LRRK2: variants seen among roughly 807,000 people sequenced by gnomAD.
The protein encoded by LRRK2 is leucine-rich repeat serine/threonine-protein kinase 2.
Under a neutral mutation model 302.6 loss-of-function variants are expected in LRRK2, and 203 were observed. The ratio of observed to expected loss-of-function variants is 0.67; its 90% CI spans 0.60 to 0.75. The LOEUF (loss-of-function observed/expected upper bound fraction) is 0.75, where lower values mean the gene tolerates loss of function less well. Ranked by LOEUF, LRRK2 falls within the 30% of genes least tolerant of loss-of-function variation. LRRK2 has a pLI of 0.00. For synonymous variants in LRRK2, 1,066 were observed against 1,031.9 expected (o/e 1.03, Z -0.63); for missense variants, 2,830 against 2,951.0 (o/e 0.96, Z 0.95).
chr12:40,309,033 G>C, intron 29 of LRRK2, 73 bp from the exon 30 acceptor site: 1 of 1,487,578 alleles, frequency 6.7e-7, no homozygotes, highest in Non-Finnish European at 9.3e-7. Flanking sequence ...TATTCTCCCA[G>C]ATTTTTTTTT....
rs1261584402 is a variant in LRRK2, at chr12:40,257,388, T to C, written c.1418+11T>C. On this transcript the variant is annotated intron_variant, in intron 12 of 50. Coordinates refer to ENST00000298910, the MANE Select transcript of LRRK2 (RefSeq NM_198578.4). ...TCTTTTTGAAGGAAGGTAATATAGA[T>C]TCATTAACTTGTACAGAATATATCA... The C allele has an allele frequency of 6.2e-7, 1 of 1,610,930 alleles. No individual in the cohort carries two copies. Among genetic ancestry groups the C allele is most frequent in the Non-Finnish European group, 8.5e-7 (1 of 1,177,728 alleles).
chr12:40,231,793 TTA>T (rs199832313), intron 2 of LRRK2, among the ~76,000 whole-genome samples: 58 of 146,568 alleles, frequency 4.0e-4, no homozygotes, highest in African/African-American at 1.1e-3. Context: ...ATAAATTAAA[TTA>T]TATATATATA....
intron 26 of LRRK2, among the ~76,000 whole-genome samples, chr12:40,303,325 C>T (rs1435539775): frequency 6.6e-6 from 1 of 152,012 alleles, no homozygotes; most frequent in East Asian, 1.9e-4. Context: ...TTCATGAAAC[C>T]AGAAGCTTCC....
At chr12:40,328,585 A>G in intron 39 of LRRK2, 125 bp downstream of exon 39, 1 of 720,088 alleles carries the variant, frequency 1.4e-6, no homozygotes, top group Non-Finnish European at 2.3e-6. Flanking sequence ...TAATTATGCA[A>G]TCCTAGTTTG....
At chr12:40,343,874 A>G (rs1261217327) in intron 41 of LRRK2, among the ~76,000 whole-genome samples, 1 of 152,198 alleles carries the variant, frequency 6.6e-6, no homozygotes, top group Non-Finnish European at 1.5e-5. Flanking sequence ...CTAGAAATTC[A>G]TTGGATGAAT....
intron 16 of LRRK2, among the ~76,000 whole-genome samples, chr12:40,276,653 T>A (rs575457211): frequency 1.3e-5 from 2 of 152,178 alleles, no homozygotes; most frequent in Non-Finnish European, 2.9e-5. Context: ...CACATTTGCA[T>A]GGCCTGCTCT....
intron 7 of LRRK2, among the ~76,000 whole-genome samples, chr12:40,248,524 G>T (rs1203887813): frequency 6.6e-6 from 1 of 152,100 alleles, no homozygotes; most frequent in African/African-American, 2.4e-5. Context: ...CATTTAATGG[G>T]TAGAGAATTT....
At chr12:40,288,770 T>A (rs1347654339) in intron 20 of LRRK2, among the ~76,000 whole-genome samples, 1 of 151,932 alleles carries the variant, frequency 6.6e-6, no homozygotes, top group Non-Finnish European at 1.5e-5. Flanking sequence ...TTTAATTGGG[T>A]TGTCTTATTA....
chr12:40,334,620 A>G (rs1945812986), intron 39 of LRRK2, among the ~76,000 whole-genome samples: 1 of 152,212 alleles, frequency 6.6e-6, no homozygotes, highest in African/African-American at 2.4e-5. Context: ...GTGGATCATT[A>G]TAAAGGTCTT....
At chr12:40,329,163 T>C (rs1438047665) in intron 39 of LRRK2, among the ~76,000 whole-genome samples, 1 of 152,222 alleles carries the variant, frequency 6.6e-6, no homozygotes, top group Non-Finnish European at 1.5e-5. Flanking sequence ...GATTACTTGC[T>C]ACAAAGATGG....
At chr12:40,296,951 C>G (rs896463387) in intron 23 of LRRK2, among the ~76,000 whole-genome samples, 1 of 152,124 alleles carries the variant, frequency 6.6e-6, no homozygotes, top group Non-Finnish European at 1.5e-5. Context: ...CTTCTACCCT[C>G]CAGCCAACCT....
chr12:40,271,547 C>T (rs902289157), intron 14 of LRRK2, among the ~76,000 whole-genome samples: 8 of 152,124 alleles, frequency 5.3e-5, no homozygotes, highest in Admixed American at 6.6e-5. Context: ...ACTTGAAAAA[C>T]ACCTCCTAAG....
At chr12:40,277,480 G>A (rs7975730) in intron 16 of LRRK2, among the ~76,000 whole-genome samples, 4,855 of 152,204 alleles carry the variant, frequency 0.032, 260 homozygotes, top group African/African-American at 0.11. Context: ...AGAACCTACT[G>A]TTCAATATTA....
At chr12:40,283,841 AT>A (rs1279235103) in intron 18 of LRRK2, 33 bp from the exon 19 acceptor site, 9 of 1,570,466 alleles carry the variant, frequency 5.7e-6, no homozygotes, top group Non-Finnish European at 7.8e-6. Flanking sequence ...AAAAATGTAG[AT>A]TTTTAATATA....
At chr12:40,280,753 T>C (rs937664362) in intron 18 of LRRK2, among the ~76,000 whole-genome samples, 4 of 151,992 alleles carry the variant, frequency 2.6e-5, no homozygotes, top group Non-Finnish European at 5.9e-5. Flanking sequence ...GCAGCCTTGG[T>C]GACAGAGGGA....
chr12:40,338,366 T>A (rs776182660), intron 40 of LRRK2, among the ~76,000 whole-genome samples: 2 of 152,228 alleles, frequency 1.3e-5, no homozygotes, highest in Admixed American at 6.5e-5. Context: ...ATTTTTGGAA[T>A]AATTCTATTC....
chr12:40,240,722 A>T, intron 6 of LRRK2, 105 bp downstream of exon 6: 5 of 1,096,842 alleles, frequency 4.6e-6, no homozygotes, highest in Non-Finnish European at 6.7e-6. Context: ...AAACTTGTGG[A>T]TGCTCAACCC....
chr12:40,279,079 TAA>T (rs1943578017), intron 18 of LRRK2, among the ~76,000 whole-genome samples: 2 of 151,530 alleles, frequency 1.3e-5, no homozygotes, highest in Non-Finnish European at 2.9e-5. Context: ...ATTATTTGTA[TAA>T]GTGTTAGAGT....
intron 23 of LRRK2, among the ~76,000 whole-genome samples, chr12:40,297,682 G>A (rs948621072): frequency 6.6e-6 from 1 of 151,956 alleles, no homozygotes; most frequent in African/African-American, 2.4e-5. Flanking sequence ...TTAAAAAATT[G>A]ACATAATGTG....
Sources: allele counts gnomAD v4.1 joint callset (sites outside exome capture counted in the v4.1 genomes callset), GRCh38; gene constraint gnomAD v4.1.1; transcripts MANE v1.5; gene names NCBI Gene and HGNC (gene_info 2026-07-23, HGNC 2026-07-21).